TRAPPC9: variants seen among roughly 807,000 people sequenced by gnomAD.
The protein encoded by TRAPPC9 is trafficking protein particle complex subunit 9.
In TRAPPC9, 83 loss-of-function variants were observed where a neutral mutation model predicts 124.0. That is an observed-to-expected ratio of 0.67 (90% confidence interval 0.56 to 0.80). The LOEUF (loss-of-function observed/expected upper bound fraction) is 0.80, where lower values mean the gene tolerates loss of function less well. Ranked by LOEUF, TRAPPC9 falls within the 30% of genes least tolerant of loss-of-function variation. The probability of loss-of-function intolerance (pLI) is 0.00; values close to 1 mark genes in which losing one functional copy is unlikely to be tolerated. For synonymous variants in TRAPPC9, 638 were observed against 617.5 expected (o/e 1.03, Z -0.49); for missense variants, 1,302 against 1,508.3 (o/e 0.86, Z 2.27).
chr8:140,183,028 A>G lies in TRAPPC9; in HGVS notation c.2556+38431T>C, dbSNP rs533224469. On this transcript the variant is annotated intron_variant, in intron 17 of 22. Transcript: ENST00000438773. ...CACAGAAAACTCTGCATTATTGGGGAAAAAAAAAAAAGATAAGCTTGAATT... is the reference window on the plus strand; with the variant it reads ...CACAGAAAACTCTGCATTATTGGGGGAAAAAAAAAAAGATAAGCTTGAATT... 2.0e-3 allele frequency among the ~76,000 whole-genome samples: 246 copies of G among 125,158 alleles called. 1 individual carries two copies. Among genetic ancestry groups the G allele is most frequent in the African/African-American group, 5.1e-3 (139 of 27,488 alleles). 82.1% of individuals were successfully genotyped at this position (125,158 alleles called of 152,430 possible).
At chr8:140,425,769 C>T (rs143388582) in intron 5 of TRAPPC9, among the ~76,000 whole-genome samples, 1 of 152,266 alleles carries the variant, frequency 6.6e-6, no homozygotes, top group East Asian at 1.9e-4. Flanking sequence ...AGTCTGCCCG[C>T]CTGACTGTCC....
intron 12 of TRAPPC9, among the ~76,000 whole-genome samples, chr8:140,289,880 A>T (rs1039123581): frequency 1.3e-5 from 2 of 152,210 alleles, no homozygotes; most frequent in African/African-American, 4.8e-5. Flanking sequence ...CGAGACTACA[A>T]GCTGAACATC....
chr8:139,735,048 C>T (rs987762066), intron 21 of TRAPPC9, among the ~76,000 whole-genome samples: 1 of 152,170 alleles, frequency 6.6e-6, no homozygotes, highest in African/African-American at 2.4e-5. Context: ...TGTATAGTGC[C>T]CCTGAGTACT....
At chr8:139,782,880 AC>A (rs546409345) in intron 21 of TRAPPC9, among the ~76,000 whole-genome samples, 125 of 152,368 alleles carry the variant, frequency 8.2e-4, no homozygotes, top group Non-Finnish European at 1.5e-3. Flanking sequence ...ATTAGCAATC[AC>A]TAACAGAAAA....
At chr8:140,393,078 TTTTA>T (rs2068978271) in intron 7 of TRAPPC9, among the ~76,000 whole-genome samples, 1 of 151,210 alleles carries the variant, frequency 6.6e-6, no homozygotes, top group Non-Finnish European at 1.5e-5. Context: ...TTTTATTTTA[TTTTA>T]TTTTTTTAGA....
intron 17 of TRAPPC9, among the ~76,000 whole-genome samples, chr8:140,089,742 T>C (rs575758460): frequency 3.2e-4 from 48 of 152,100 alleles, no homozygotes; most frequent in African/African-American, 8.4e-4. Flanking sequence ...CCGCACTTGA[T>C]AGATGAGTAG....
At chr8:140,277,209 G>A (rs61318386) in intron 14 of TRAPPC9, among the ~76,000 whole-genome samples, 41,535 of 152,114 alleles carry the variant, frequency 0.27, 6,773 homozygotes, top group Non-Finnish European at 0.36. Flanking sequence ...TCATGGTGCC[G>A]GGCACGTGTT....
At chr8:139,800,397 ACACACGT>A (rs1823403450) in intron 21 of TRAPPC9, among the ~76,000 whole-genome samples, 1 of 152,232 alleles carries the variant, frequency 6.6e-6, no homozygotes, top group East Asian at 1.9e-4. Context: ...TTGGAAGAGG[ACACACGT>A]GTCCACACTG....
chr8:140,338,634 T>A (rs957987541), intron 9 of TRAPPC9, among the ~76,000 whole-genome samples: 17 of 152,224 alleles, frequency 1.1e-4, no homozygotes, highest in African/African-American at 3.9e-4. Context: ...ACTGGCGTCC[T>A]TATAACGAGA....
intron 1 of TRAPPC9, among the ~76,000 whole-genome samples, chr8:140,457,149 G>A (rs2071701293): frequency 6.6e-6 from 1 of 152,228 alleles, no homozygotes; most frequent in Non-Finnish European, 1.5e-5. Flanking sequence ...AAGCGCCGGG[G>A]GCGTGGGCTG....
intron 19 of TRAPPC9, among the ~76,000 whole-genome samples, chr8:139,945,844 T>C (rs1212291819): frequency 2.6e-5 from 4 of 152,224 alleles, no homozygotes; most frequent in Non-Finnish European, 5.9e-5. Context: ...TTGCAATTTA[T>C]TTTCAAATGC....
chr8:140,057,201 G>C (rs1057150573), intron 17 of TRAPPC9, among the ~76,000 whole-genome samples: 2 of 152,240 alleles, frequency 1.3e-5, no homozygotes, highest in African/African-American at 4.8e-5. Flanking sequence ...TATTAGTGAG[G>C]ATGTGGAGAA....
chr8:139,762,718 T>C (rs954549647), intron 21 of TRAPPC9, among the ~76,000 whole-genome samples: 1 of 152,174 alleles, frequency 6.6e-6, no homozygotes, highest in Non-Finnish European at 1.5e-5. Context: ...TCTTCTCCCC[T>C]AGAGTATACA....
chr8:139,910,996 T>C (rs1831691547), intron 19 of TRAPPC9, among the ~76,000 whole-genome samples: 1 of 152,168 alleles, frequency 6.6e-6, no homozygotes, highest in African/African-American at 2.4e-5. Context: ...ATGATTGGTT[T>C]TGAAATGTGA....
intron 21 of TRAPPC9, among the ~76,000 whole-genome samples, chr8:139,818,072 T>C (rs1824983827): frequency 1.3e-5 from 2 of 152,190 alleles, no homozygotes; most frequent in South Asian, 4.1e-4. Flanking sequence ...TATCCTGATT[T>C]CATGGATGAG....
chr8:140,033,873 G>A (rs1840710893), intron 17 of TRAPPC9, among the ~76,000 whole-genome samples: 1 of 151,588 alleles, frequency 6.6e-6, no homozygotes. Context: ...GTAGAGACAG[G>A]GTTTCACCAC....
chr8:140,377,331 C>G (rs1401969090), intron 7 of TRAPPC9, among the ~76,000 whole-genome samples: 1 of 151,986 alleles, frequency 6.6e-6, no homozygotes, highest in East Asian at 1.9e-4. Flanking sequence ...AGAATTTCAC[C>G]CTTGTGGCCC....
chr8:139,916,699 G>A (rs758322170), intron 19 of TRAPPC9: 3 of 152,224 alleles, frequency 2.0e-5, no homozygotes, highest in Admixed American at 6.5e-5. Context: ...AAGGTGCTGT[G>A]ATTTTTGAAG....
chr8:140,194,118 A>C (rs2062572343), intron 17 of TRAPPC9, among the ~76,000 whole-genome samples: 1 of 152,166 alleles, frequency 6.6e-6, no homozygotes, highest in Non-Finnish European at 1.5e-5. Context: ...TCTACTGCTT[A>C]AAACCCCCAG....
Sources: allele counts gnomAD v4.1 joint callset (sites outside exome capture counted in the v4.1 genomes callset), GRCh38; gene constraint gnomAD v4.1.1; transcripts MANE v1.5; gene names NCBI Gene and HGNC (gene_info 2026-07-23, HGNC 2026-07-21).